KIAA0319: variants seen among roughly 807,000 people sequenced by gnomAD.
The protein encoded by KIAA0319 is KIAA0319.
Under a neutral mutation model 108.4 loss-of-function variants are expected in KIAA0319, and 83 were observed. That is an observed-to-expected ratio of 0.77 (90% CI 0.64 to 0.92). KIAA0319 has a LOEUF of 0.92. KIAA0319 is among the 40% of genes least tolerant of loss of function. KIAA0319 has a pLI of 0.00. For missense variants in KIAA0319, 1,195 were observed against 1,322.4 expected (o/e 0.90, Z 1.49); for synonymous variants, 484 against 510.4 (o/e 0.95, Z 0.70).
intron 12 of KIAA0319, 51 bp downstream of exon 12, chr6:24,569,852 T>C (rs750563493): frequency 7.5e-6 from 12 of 1,592,730 alleles, no homozygotes; most frequent in Non-Finnish European, 9.4e-6. Flanking sequence ...GAAGGGATAA[T>C]ATTAGCATTC....
intron 1 of KIAA0319, among the ~76,000 whole-genome samples, chr6:24,629,342 C>G (rs796081524): frequency 1.3e-5 from 2 of 151,824 alleles, no homozygotes; most frequent in African/African-American, 4.8e-5. Context: ...GGTGAAACCC[C>G]ATCTCTACTA....
chr6:24,563,676 A>G (rs574921382), intron 15 of KIAA0319, among the ~76,000 whole-genome samples, 158 bp from the exon 16 acceptor site: 1 of 152,348 alleles, frequency 6.6e-6, no homozygotes, highest in Non-Finnish European at 1.5e-5. Flanking sequence ...CGCAAAGGCC[A>G]CTATCTGGGA....
chr6:24,564,439 C>G, intron 14 of KIAA0319, 99 bp from the exon 15 acceptor site: 4 of 1,476,674 alleles, frequency 2.7e-6, no homozygotes. Flanking sequence ...CTTTTTAACA[C>G]AGGCGTGACT....
chr6:24,588,418 G>GA (rs1767900732), intron 4 of KIAA0319, among the ~76,000 whole-genome samples, 175 bp downstream of exon 4: 1 of 152,178 alleles, frequency 6.6e-6, no homozygotes, highest in Admixed American at 6.5e-5. Context: ...GTCCCTGAGG[G>GA]AAAAGACAAT....
downstream of KIAA0319, among the ~76,000 whole-genome samples, chr6:24,541,703 C>A (rs980714022): frequency 6.6e-6 from 1 of 152,178 alleles, no homozygotes; most frequent in Non-Finnish European, 1.5e-5. Context: ...GAGGCTGAGG[C>A]AGGAGAATCG....
At chr6:24,631,441 T>C (rs965704095) in intron 1 of KIAA0319, among the ~76,000 whole-genome samples, 3 of 152,174 alleles carry the variant, frequency 2.0e-5, no homozygotes, top group Non-Finnish European at 4.4e-5. Flanking sequence ...GGAGTATACG[T>C]TGGGAGAAAG....
At chr6:24,566,524 T>C (rs1476782397) in intron 14 of KIAA0319, 73 bp downstream of exon 14, 7 of 1,336,838 alleles carry the variant, frequency 5.2e-6, no homozygotes, top group Non-Finnish European at 5.1e-6. Flanking sequence ...CGTGATATAT[T>C]GTTTGCAGCC....
chr6:24,592,789 A>G (rs1768715949), intron 3 of KIAA0319, among the ~76,000 whole-genome samples: 1 of 152,096 alleles, frequency 6.6e-6, no homozygotes. Context: ...TGGGCAACAT[A>G]GCGAAATCCC....
Position 24,599,247 on chromosome 6 carries a change from G to T in KIAA0319, c.55+1802C>A. On this transcript the variant is annotated intron_variant, in intron 2 of 20. Transcript: ENST00000378214. The surrounding 1 kb of genome is among the most constrained non-coding windows in gnomAD (Gnocchi z 4.1). The stretch of plus-strand genomic sequence containing the variant: ...GGCACTGGCTGGGAAGCACAGGGAT[G>T]ACCTGTGTTATACAAAGATGGAGAT... The T allele has an allele frequency of 2.0e-6, 1 of 503,378 alleles. No individual in the cohort carries two copies. Among genetic ancestry groups the T allele is most frequent in the South Asian group, 2.0e-5 (1 of 50,012 alleles). The allele number at this position is 503,378 out of a possible 1,614,324, so 31.2% of individuals were successfully genotyped here.
At chr6:24,570,148 G>A in intron 11 of KIAA0319, 113 bp from the exon 12 acceptor site, 2 of 978,748 alleles carry the variant, frequency 2.0e-6, no homozygotes, top group Admixed American at 4.5e-5. Context: ...AGCCACTAGA[G>A]TATGCAGCAT....
rs1281750607 is a variant in KIAA0319, at chr6:24,580,918, C to T, written c.1279+8G>A. On this transcript the variant is annotated splice_region_variant and intron_variant, in intron 7 of 20. Coordinates refer to ENST00000378214, the MANE Select transcript of KIAA0319 (RefSeq NM_014809.4). ...ACAACAGGAGGTCATTCTCTTACAC[C>T]GGCTTACCAGGCTTAACAGTGACAT... 4.4e-6 allele frequency: 7 copies of T among 1,594,058 alleles called. No homozygotes were observed. Among genetic ancestry groups the T allele is most frequent in the South Asian group, 1.1e-5 (1 of 90,560 alleles).
At chr6:24,587,105 C>T (rs1037705029) in intron 4 of KIAA0319, among the ~76,000 whole-genome samples, 1 of 152,072 alleles carries the variant, frequency 6.6e-6, no homozygotes, top group African/African-American at 2.4e-5. Flanking sequence ...TATGTCTTAG[C>T]GTCCTCTTCC....
chr6:24,610,860 T>C (rs141602604), intron 1 of KIAA0319, among the ~76,000 whole-genome samples: 1 of 151,944 alleles, frequency 6.6e-6, no homozygotes, highest in East Asian at 1.9e-4. Flanking sequence ...GAAAAACGGA[T>C]AAAAATAATG....
intron 1 of KIAA0319, among the ~76,000 whole-genome samples, chr6:24,610,834 C>T (rs1319674865): frequency 1.3e-5 from 2 of 151,902 alleles, no homozygotes; most frequent in Non-Finnish European, 2.9e-5. Context: ...AGAAACAACC[C>T]AAACATTCAT....
chr6:24,571,959 C>G (rs1204373840), intron 11 of KIAA0319, among the ~76,000 whole-genome samples: 3 of 152,248 alleles, frequency 2.0e-5, no homozygotes, highest in African/African-American at 7.2e-5. Flanking sequence ...GAGATCAAGT[C>G]TATCTTGTTT....
At chr6:24,612,892 C>G (rs34018151) in intron 1 of KIAA0319, among the ~76,000 whole-genome samples, 4,911 of 152,010 alleles carry the variant, frequency 0.032, 129 homozygotes, top group Non-Finnish European at 0.047. Flanking sequence ...TCCGCCTCCC[C>G]GGTTCACGCC....
At chr6:24,597,817 C>T (rs981403574) in intron 2 of KIAA0319, among the ~76,000 whole-genome samples, 1 of 145,786 alleles carries the variant, frequency 6.9e-6, no homozygotes, top group Non-Finnish European at 1.5e-5. Context: ...CTTTGGGAGG[C>T]CAACATGGGA....
chr6:24,581,622 A>G (rs903999494), intron 6 of KIAA0319, among the ~76,000 whole-genome samples: 1 of 152,192 alleles, frequency 6.6e-6, no homozygotes, highest in African/African-American at 2.4e-5. Context: ...CGGACTGAGA[A>G]CCAGAGATAA....
Position 24,554,552 on chromosome 6 carries a change from G to C in KIAA0319, c.2937C>G (p.Cys979Trp). The C allele has an allele frequency of 1.8e-5, 29 of 1,612,930 alleles. No homozygotes were observed. Among genetic ancestry groups the C allele is most frequent in the Non-Finnish European group, 2.5e-5 (29 of 1,178,986 alleles). The change falls in exon 19 of 21, where the codon TGC becomes TGG. Residue 979 changes from cysteine to tryptophan, a missense_variant. Physicochemically the swap from Cys to Trp is radical, Grantham distance 215 (BLOSUM62 -2). Coordinates refer to ENST00000378214, the MANE Select transcript of KIAA0319 (RefSeq NM_014809.4). Reference protein sequence around the residue: ...LTGGFTWLCICCCKRQKRTKI... With the variant: ...LTGGFTWLCIWCCKRQKRTKI... ...AGCACTCTAGGTACCTTTTGCAGCA[G>C]CAGATGCAAAGCCAAGTGAAACCTC...
Sources: allele counts gnomAD v4.1 joint callset (sites outside exome capture counted in the v4.1 genomes callset), GRCh38; gene constraint gnomAD v4.1.1; non-coding constraint Gnocchi (gnomAD v3.1); transcripts MANE v1.5; gene names NCBI Gene and HGNC (gene_info 2026-07-23, HGNC 2026-07-21).